CHODL: variants seen among roughly 807,000 people sequenced by gnomAD.
CHODL encodes chondrolectin.
In CHODL, 29 loss-of-function variants were observed where a neutral mutation model predicts 34.5. The ratio of observed to expected loss-of-function variants is 0.84; its 90% CI spans 0.63 to 1.15. CHODL has a LOEUF of 1.15. Among genes scored for constraint, CHODL ranks in the 50% most tolerant of loss-of-function variants. The pLI is 0.00. For missense variants in CHODL, 332 were observed against 332.5 expected (o/e 1.00, Z 0.01); for synonymous variants, 125 against 116.1 (o/e 1.08, Z -0.49).
chr21:18,190,926 C>T (rs975060055), intron 2 of CHODL, among the ~76,000 whole-genome samples: 6 of 152,120 alleles, frequency 3.9e-5, no homozygotes, highest in South Asian at 4.1e-4. Flanking sequence ...AATTTTCTTT[C>T]GTGTCTGGAA....
At chr21:18,219,375 A>T (rs1326102463) in intron 2 of CHODL, among the ~76,000 whole-genome samples, 1 of 152,138 alleles carries the variant, frequency 6.6e-6, no homozygotes, top group Non-Finnish European at 1.5e-5. Flanking sequence ...GAACAGCAAC[A>T]TGGGGGTAAT....
chr21:18,138,582 A>G (rs1362060069), intron 2 of CHODL, among the ~76,000 whole-genome samples: 2 of 152,184 alleles, frequency 1.3e-5, no homozygotes, highest in Non-Finnish European at 2.9e-5. Flanking sequence ...AGGAACAGTA[A>G]TGGAATGGAT....
chr21:18,120,000 G>A (rs1199265783), intron 2 of CHODL, among the ~76,000 whole-genome samples: 1 of 152,106 alleles, frequency 6.6e-6, no homozygotes, highest in Non-Finnish European at 1.5e-5. Flanking sequence ...GCTCTGTTTG[G>A]TGGTGAGATG....
chr21:18,075,059 A>C (rs551895732), intron 2 of CHODL, among the ~76,000 whole-genome samples: 1 of 152,362 alleles, frequency 6.6e-6, no homozygotes, highest in East Asian at 1.9e-4. Flanking sequence ...TTGAAAAATT[A>C]AGATGTCTTT....
At chr21:18,052,295 A>AT (rs2064525637) in intron 2 of CHODL, among the ~76,000 whole-genome samples, 1 of 151,764 alleles carries the variant, frequency 6.6e-6, no homozygotes, top group Non-Finnish European at 1.5e-5. Flanking sequence ...TTAGGCATTA[A>AT]TTTTTTCCAA....
intron 2 of CHODL, among the ~76,000 whole-genome samples, chr21:18,129,448 G>A (rs556908143): frequency 2.0e-5 from 3 of 152,260 alleles, no homozygotes; most frequent in Admixed American, 2.0e-4. Context: ...TAGTGGGGAA[G>A]GATGGAAGTA....
chr21:18,145,208 T>G (rs1313586413), intron 2 of CHODL, among the ~76,000 whole-genome samples: 1 of 150,558 alleles, frequency 6.6e-6, no homozygotes, highest in South Asian at 2.1e-4. Flanking sequence ...AGGCCGAGAC[T>G]GGCGGATCAT....
At chr21:17,995,283 A>ATAT (rs942897648) in intron 1 of CHODL, among the ~76,000 whole-genome samples, 1 of 152,104 alleles carries the variant, frequency 6.6e-6, no homozygotes, top group Non-Finnish European at 1.5e-5. Context: ...GCAACTGTCT[A>ATAT]TATTAGTCTC....
intron 2 of CHODL, among the ~76,000 whole-genome samples, chr21:18,187,415 A>G (rs756316566): frequency 1.3e-4 from 20 of 152,018 alleles, no homozygotes; most frequent in Non-Finnish European, 2.6e-4. Context: ...TTTCCATTTT[A>G]CATTTTGGAT....
At chr21:17,947,544 GACAC>G (rs34768313) in intron 1 of CHODL, among the ~76,000 whole-genome samples, 27 of 149,616 alleles carry the variant, frequency 1.8e-4, no homozygotes, top group East Asian at 3.9e-4. Flanking sequence ...CACACACACA[GACAC>G]ACACACACAC....
chr21:18,265,799 G>C (rs1219374816), intron 5 of CHODL, among the ~76,000 whole-genome samples, 155 bp from the exon 6 acceptor site: 1 of 152,100 alleles, frequency 6.6e-6, no homozygotes, highest in Non-Finnish European at 1.5e-5. Flanking sequence ...TCACATATTT[G>C]AATAATCTAG....
intron 1 of CHODL, among the ~76,000 whole-genome samples, chr21:17,987,939 A>T (rs539005487): frequency 6.6e-6 from 1 of 152,276 alleles, no homozygotes; most frequent in Admixed American, 6.5e-5. Context: ...TCCCTGCTTC[A>T]TGGCTCTGAG....
At chr21:18,058,345 A>T (rs1032532137) in intron 2 of CHODL, among the ~76,000 whole-genome samples, 5 of 152,176 alleles carry the variant, frequency 3.3e-5, no homozygotes, top group African/African-American at 1.2e-4. Context: ...CAATCCAACT[A>T]TTAGGTGTTT....
At chr21:18,067,748 T>C (rs557808313) in intron 2 of CHODL, among the ~76,000 whole-genome samples, 5 of 152,306 alleles carry the variant, frequency 3.3e-5, no homozygotes, top group Admixed American at 1.3e-4. Flanking sequence ...CTGGCAATCA[T>C]AGAGTGTTTA....
At chr21:18,120,562 C>T (rs1601029627) in intron 2 of CHODL, among the ~76,000 whole-genome samples, 1 of 152,042 alleles carries the variant, frequency 6.6e-6, no homozygotes, top group African/African-American at 2.4e-5. Flanking sequence ...TCACACAAAA[C>T]ATTTATTGGA....
At chr21:17,923,263 CT>C (rs1372523593) in intron 1 of CHODL, among the ~76,000 whole-genome samples, 3 of 148,004 alleles carry the variant, frequency 2.0e-5, no homozygotes, top group African/African-American at 7.9e-5. Context: ...CAGACTTTGT[CT>C]TTTTCTGCCT....
intron 2 of CHODL, among the ~76,000 whole-genome samples, chr21:18,167,511 G>A (rs375560764): frequency 7.2e-5 from 11 of 151,802 alleles, no homozygotes; most frequent in African/African-American, 2.2e-4. Flanking sequence ...GGGTTTCACC[G>A]TGTTAGCCAA....
At chr21:18,032,442 C>G (rs949436115) in intron 2 of CHODL, among the ~76,000 whole-genome samples, 3 of 151,978 alleles carry the variant, frequency 2.0e-5, no homozygotes, top group Admixed American at 6.6e-5. Flanking sequence ...TTGACCCAAA[C>G]AATGCTGAAT....
intron 2 of CHODL, among the ~76,000 whole-genome samples, chr21:18,045,848 G>T (rs552738152): frequency 2.6e-5 from 4 of 152,024 alleles, no homozygotes; most frequent in South Asian, 2.1e-4. Flanking sequence ...CACAGCATTT[G>T]TCTCCTCCAG....
Sources: gnomAD v4.1 joint callset for allele counts (sites outside exome capture counted in the v4.1 genomes callset) on GRCh38, gnomAD v4.1.1 for gene constraint, MANE v1.5 for transcripts, NCBI Gene and HGNC (gene_info 2026-07-23, HGNC 2026-07-21) for gene names.